ZWILCH: variants seen among roughly 807,000 people sequenced by gnomAD.
ZWILCH encodes the protein protein zwilch homolog.
In ZWILCH, 74 loss-of-function variants were observed where a neutral mutation model predicts 79.9. The ratio of observed to expected loss-of-function variants is 0.93; its 90% confidence interval spans 0.77 to 1.12. The LOEUF (loss-of-function observed/expected upper bound fraction) is 1.12, where lower values mean the gene tolerates loss of function less well. ZWILCH is among the 50% of genes most tolerant of loss of function. ZWILCH has a pLI of 0.00. For missense variants in ZWILCH, 694 were observed against 687.5 expected (o/e 1.01, Z -0.11); for synonymous variants, 241 against 228.2 (o/e 1.06, Z -0.51).
At chr15:66,507,452 C>G (rs560325241) in intron 1 of ZWILCH, among the ~76,000 whole-genome samples, 2 of 152,142 alleles carry the variant, frequency 1.3e-5, no homozygotes, top group Non-Finnish European at 2.9e-5. Flanking sequence ...TCCTGGACTC[C>G]AAGTTATTAC....
At chr15:66,517,966 C>G (rs1473457004) in intron 4 of ZWILCH, among the ~76,000 whole-genome samples, 1 of 151,618 alleles carries the variant, frequency 6.6e-6, no homozygotes, top group Non-Finnish European at 1.5e-5. Flanking sequence ...CTCCTGACCT[C>G]GTGATCTGCC....
rs76314173 is a variant in ZWILCH, at chr15:66,543,997, C to A, written c.1688-2594C>A. On this transcript the variant is annotated intron_variant, in intron 17 of 18. Coordinates refer to ENST00000307897, the MANE Select transcript of ZWILCH (RefSeq NM_017975.5). ...TTTAAAGAAGAAAACATATGGCTCA[C>A]GCCTGTAATCCCAGCACTTTGGGAG... 3.4e-3 allele frequency among the ~76,000 whole-genome samples: 510 copies of A among 152,184 alleles called. 1 individual carries two copies. The highest frequency in any genetic ancestry group is 0.017 in the Middle Eastern group (5 of 294).
Position 66,533,713 on chromosome 15 carries a change from TACAC to T in ZWILCH, c.1341+711_1341+714del, listed in dbSNP as rs10545359. ...AGTGGACACATGTTCTAGCAAAAAC[TACAC>T]ACACACACACGCGCACACACACACA... On this transcript the variant is annotated intron_variant, in intron 14 of 18. Coordinates refer to ENST00000307897, the MANE Select transcript of ZWILCH (RefSeq NM_017975.5). 6.3e-3 allele frequency among the ~76,000 whole-genome samples: 960 copies of T among 151,438 alleles called. 4 individuals carry two copies. Among genetic ancestry groups the T allele is most frequent in the Middle Eastern group, 0.027 (8 of 294 alleles).
intron 4 of ZWILCH, among the ~76,000 whole-genome samples, chr15:66,517,430 G>GTGTGTGTGTATATATATATATATAT: frequency 6.0e-5 from 4 of 66,524 alleles, no homozygotes; most frequent in Admixed American, 1.7e-4. Flanking sequence ...GTGTGTGTGT[G>GTGTGTGTGTATATATATATATATAT]TATATATATA....
chr15:66,539,765 A>G (rs1018406988), intron 16 of ZWILCH, among the ~76,000 whole-genome samples: 4 of 151,168 alleles, frequency 2.6e-5, no homozygotes, highest in African/African-American at 7.3e-5. Flanking sequence ...TGCCTAACTA[A>G]CTCCTGGTTA....
chr15:66,531,719 G>A (rs1894857961), intron 12 of ZWILCH, among the ~76,000 whole-genome samples: 1 of 149,628 alleles, frequency 6.7e-6, no homozygotes, highest in Non-Finnish European at 1.5e-5. Context: ...AGCCTCCCAA[G>A]TGCTGGAATT....
chr15:66,520,742 C>G, intron 6 of ZWILCH, 82 bp downstream of exon 6: 1 of 865,520 alleles, frequency 1.2e-6, no homozygotes, highest in Admixed American at 2.9e-5. Context: ...TTTTTTCACT[C>G]CTAAGATGAC....
At chr15:66,514,291 C>G in intron 3 of ZWILCH, 1 of 289,286 alleles carries the variant, frequency 3.5e-6, no homozygotes, top group South Asian at 6.2e-5. Context: ...AAGAAATAAT[C>G]GATAAAATTC....
At chr15:66,519,599 A>G (rs548582324) in intron 5 of ZWILCH, among the ~76,000 whole-genome samples, 2 of 152,104 alleles carry the variant, frequency 1.3e-5, no homozygotes, top group South Asian at 4.2e-4. Context: ...GATTACAGGC[A>G]CCTGCCACCA....
chr15:66,527,758 C>A, intron 9 of ZWILCH, 99 bp from the exon 10 acceptor site: 1 of 1,028,734 alleles, frequency 9.7e-7, no homozygotes, highest in Non-Finnish European at 1.4e-6. Flanking sequence ...CTTAGTTAGA[C>A]TTCTACTGTC....
chr15:66,528,537 G>T (rs567768313), intron 10 of ZWILCH, among the ~76,000 whole-genome samples: 1 of 152,234 alleles, frequency 6.6e-6, no homozygotes, highest in East Asian at 1.9e-4. Flanking sequence ...CTCTAAGATG[G>T]TACTGTTAAA....
chr15:66,537,322 C>A, intron 16 of ZWILCH, 59 bp downstream of exon 16: 1 of 1,286,006 alleles, frequency 7.8e-7, no homozygotes, highest in Non-Finnish European at 1.1e-6. Context: ...CTATGGGAGG[C>A]TGAGGTGGGA....
intron 4 of ZWILCH, among the ~76,000 whole-genome samples, chr15:66,517,524 TTACC>T (rs1894328442): frequency 6.8e-6 from 1 of 146,066 alleles, no homozygotes; most frequent in African/African-American, 2.5e-5. Context: ...TGGCACTCTT[TTACC>T]CCTAAATGCT....
At chr15:66,513,286 G>T (rs2140745639) in intron 2 of ZWILCH, among the ~76,000 whole-genome samples, 1 of 152,004 alleles carries the variant, frequency 6.6e-6, no homozygotes, top group African/African-American at 2.4e-5. Context: ...TGAAGTTTTG[G>T]CCAGGACAGT....
chr15:66,532,479 T>G, intron 13 of ZWILCH, 76 bp downstream of exon 13: 1 of 1,353,960 alleles, frequency 7.4e-7, no homozygotes, highest in Non-Finnish European at 1.0e-6. Context: ...GGATTTTCTG[T>G]TTCTGCTTGT....
intron 4 of ZWILCH, among the ~76,000 whole-genome samples, chr15:66,516,285 C>T (rs888788185): frequency 6.6e-6 from 1 of 152,206 alleles, no homozygotes; most frequent in Non-Finnish European, 1.5e-5. Context: ...GGCTACCTCT[C>T]CAGCTTCACT....
chr15:66,520,414 C>A, intron 5 of ZWILCH, 176 bp from the exon 6 acceptor site: 1 of 551,172 alleles, frequency 1.8e-6, no homozygotes, highest in South Asian at 2.0e-5. Context: ...AGCCACCATA[C>A]CCAGCCCACT....
At chr15:66,532,120 G>C (rs1894869141) in intron 12 of ZWILCH, 127 bp from the exon 13 acceptor site, 1 of 674,700 alleles carries the variant, frequency 1.5e-6, no homozygotes, top group Non-Finnish European at 2.4e-6. Context: ...ACAATTTATA[G>C]TGTTAGGAGA....
intron 18 of ZWILCH, chr15:66,548,112 G>C (rs1378835918): frequency 1.9e-5 from 3 of 160,472 alleles, no homozygotes; most frequent in African/African-American, 7.2e-5. Context: ...ATCAGGTATG[G>C]GACAGTGCTG....
Sources: gnomAD v4.1 joint callset for allele counts (sites outside exome capture counted in the v4.1 genomes callset) on GRCh38, gnomAD v4.1.1 for gene constraint, MANE v1.5 for transcripts, NCBI Gene and HGNC (gene_info 2026-07-23, HGNC 2026-07-21) for gene names.